The following FKBP4 variants were observed in gnomAD, a reference collection of about 807,000 sequenced individuals.
The protein encoded by FKBP4 is peptidyl-prolyl cis-trans isomerase FKBP4.
In FKBP4, 28 loss-of-function variants were observed where a neutral mutation model predicts 54.1. The ratio of observed to expected loss-of-function variants is 0.52; its 90% CI spans 0.38 to 0.71. The LOEUF (loss-of-function observed/expected upper bound fraction) is 0.71. FKBP4 is among the 30% of genes least tolerant of loss of function. FKBP4 has a pLI of 0.00. For missense variants in FKBP4, 493 were observed against 574.4 expected (o/e 0.86, Z 1.45); for synonymous variants, 223 against 216.1 (o/e 1.03, Z -0.28).
In FKBP4 at chr12:2,801,081, G is replaced by T; in HGVS notation, c.1033-36G>T. The T allele has an allele frequency of 1.9e-6, 3 of 1,610,708 alleles. No individual in the cohort carries two copies. The South Asian group carries it at 3.3e-5, about 18-fold the overall frequency. On this transcript the variant is annotated intron_variant, in intron 8 of 9. Transcript: ENST00000001008. ...AGGCCAGATGAGCTACAAGCCCTGA[G>T]CTCCCACAATGTGGCTTCCTCTCTG...
chr12:2,799,786 C>A, intron 5 of FKBP4, 64 bp from the exon 6 acceptor site: 1 of 1,389,270 alleles, frequency 7.2e-7, no homozygotes, highest in Non-Finnish European at 1.0e-6. Context: ...GGACAGGAAG[C>A]CTTTTCAGCC....
Position 2,795,320 on chromosome 12 carries a change from C to T in FKBP4, c.105+76C>T, listed in dbSNP as rs1338524339. ...CCGCCCTTCCGCCGCGCCCGGAGCC[C>T]GCGGCCGGGCACGGGTCGAGGCGGC... On this transcript the variant is annotated intron_variant, in intron 1 of 9. Coordinates refer to ENST00000001008, the MANE Select transcript of FKBP4 (RefSeq NM_002014.4). This position sits in a 1 kb window ranked among gnomAD's most constrained non-coding sequence, Gnocchi z 4.3. The T allele has an allele frequency of 1.2e-5, 9 of 771,386 alleles. No homozygotes were observed. The African/African-American group carries it at 1.5e-4, about 13-fold the overall frequency. 47.8% of individuals were successfully genotyped at this position (771,386 alleles called of 1,614,324 possible).
At position 2,800,473 on chromosome 12, in the gene FKBP4, GAAGCACAGA is replaced by G; in HGVS notation, c.937_945del (p.Lys313_Gln315del). On this transcript the variant is annotated inframe_deletion, in exon 8 of 10. Coordinates refer to ENST00000001008, the MANE Select transcript of FKBP4 (RefSeq NM_002014.4). ...ATATGAGTCTAGTTTTTCCAATGAGGAAGCACAGAAAGCACAGGCCCTTCGACTGGCCTC... is the reference window on the plus strand; with the variant it reads ...ATATGAGTCTAGTTTTTCCAATGAGGAAGCACAGGCCCTTCGACTGGCCTC... 3 of 1,614,156 alleles carry G rather than the reference GAAGCACAGA, an allele frequency of 1.9e-6. No individual in the cohort carries two copies. The highest frequency in any genetic ancestry group is 1.7e-6 in the Non-Finnish European group (2 of 1,180,022).
chr12:2,798,862 C>T lies in FKBP4; in HGVS notation c.514+36C>T. 1 of 1,606,754 alleles carries T rather than the reference C, an allele frequency of 6.2e-7. No individual in the cohort carries two copies. Among genetic ancestry groups the T allele is most frequent in the Non-Finnish European group, 8.5e-7 (1 of 1,173,714 alleles). On this transcript the variant is annotated intron_variant, in intron 4 of 9. Transcript: ENST00000001008. This position sits in a 1 kb window ranked among gnomAD's most constrained non-coding sequence, Gnocchi z 4.3. Reference sequence around the variant, plus strand: ...ACAGTCTGGGCTTTCAATTCTCATTCTGATATTTAGGCCTTGTGTGGCTTT... The same window carrying T: ...ACAGTCTGGGCTTTCAATTCTCATTTTGATATTTAGGCCTTGTGTGGCTTT...
intron 4 of FKBP4, 75 bp from the exon 5 acceptor site, chr12:2,799,013 A>C: frequency 6.8e-7 from 1 of 1,481,314 alleles, no homozygotes; most frequent in Non-Finnish European, 9.1e-7. Context: ...GGGGTGATGC[A>C]GGGAGGCTGA....
Position 2,795,156 on chromosome 12 carries a change from T to C in FKBP4, c.17T>C (p.Met6Thr). The C allele has an allele frequency of 7.6e-7, 1 of 1,310,716 alleles. No homozygotes were observed. Among genetic ancestry groups the C allele is most frequent in the Non-Finnish European group, 9.8e-7 (1 of 1,021,166 alleles). The allele number at this position is 1,310,716 out of a possible 1,614,324, so 81.2% of individuals were successfully genotyped here. A position where few individuals can be genotyped will look rare whatever the true frequency, so the allele number is the denominator to read the frequency against. Reference sequence around the variant, plus strand: ...CGCGCGGAGATGACAGCCGAGGAGATGAAGGCGACCGAGAGCGGGGCGCAG... The same window carrying C: ...CGCGCGGAGATGACAGCCGAGGAGACGAAGGCGACCGAGAGCGGGGCGCAG... MTAEE[M>T]KATESGAQSA... The change falls in exon 1 of 10, where the codon ATG (methionine) becomes ACG (threonine). Residue 6 changes from methionine to threonine, a missense_variant. By Grantham distance (81) the Met-to-Thr change is moderately conservative. Coordinates refer to ENST00000001008, the MANE Select transcript of FKBP4 (RefSeq NM_002014.4). The surrounding 1 kb of genome is among the most constrained non-coding windows in gnomAD (Gnocchi z 4.3).
At chr12:2,796,137 C>T (rs1305544978) in intron 1 of FKBP4, 4 of 1,236,378 alleles carry the variant, frequency 3.2e-6, no homozygotes, top group East Asian at 1.1e-4. Flanking sequence ...TCCCAGCCTG[C>T]GTCTTATGCC....
Position 2,799,130 on chromosome 12 carries a change from G to A in FKBP4, c.557G>A (p.Arg186Gln), listed in dbSNP as rs927155815. 14 of 1,576,286 alleles carry A rather than the reference G, an allele frequency of 8.9e-6. No homozygotes were observed. In the East Asian group the frequency reaches 1.8e-4, roughly 20 times the overall value. Residue 186 changes from arginine to glutamine, a missense_variant, in exon 5 of 10, where the codon CGG becomes CAG. Physicochemically the swap from Arg to Gln is conservative, Grantham distance 43. Coordinates refer to ENST00000001008, the MANE Select transcript of FKBP4 (RefSeq NM_002014.4). ...TACAAGGACAAGCTCTTTGACCAGC[G>A]GGAGCTCCGCTTTGAGATTGGCGAG... ...GYYKDKLFDQ[R>Q]ELRFEIGEGE...
rs1477815015 is a variant in FKBP4 at position 2,797,880 on chromosome 12, T to G, written c.393+9T>G. On this transcript the variant is annotated intron_variant, in intron 3 of 9. Coordinates refer to ENST00000001008, the MANE Select transcript of FKBP4 (RefSeq NM_002014.4). ...CCACGCTTGTATTTGAGGTGAGTGTTTGGTCACTGAGATCCAGGCTAAGAG... is the reference window on the plus strand; with the variant it reads ...CCACGCTTGTATTTGAGGTGAGTGTGTGGTCACTGAGATCCAGGCTAAGAG... 3 of 1,610,634 alleles carry G rather than the reference T, an allele frequency of 1.9e-6. No individual in the cohort carries two copies. Among genetic ancestry groups the G allele is most frequent in the East Asian group, 2.2e-5 (1 of 44,818 alleles).
intron 8 of FKBP4, 60 bp from the exon 9 acceptor site, chr12:2,801,057 G>C: frequency 6.2e-7 from 1 of 1,604,000 alleles, no homozygotes; most frequent in Non-Finnish European, 8.5e-7. Context: ...ACCCAGTCTA[G>C]GCCAGATGAG....
In FKBP4 at chr12:2,800,432, T is replaced by G; in HGVS notation, c.887T>G (p.Ile296Ser). The change falls in exon 8 of 10, where the codon ATC becomes AGC. Residue 296 changes from isoleucine (I) to serine (S), a missense_variant. Coordinates refer to ENST00000001008, the MANE Select transcript of FKBP4 (RefSeq NM_002014.4). ...CAAGCTTTACTACAGTATAAGAAGA[T>G]CGTGTCTTGGCTGGAATATGAGTCT... Reference protein sequence around the residue: ...YKQALLQYKKIVSWLEYESSF... With the variant: ...YKQALLQYKKSVSWLEYESSF... The G allele has an allele frequency of 6.2e-7, 1 of 1,613,924 alleles. No homozygotes were observed. The highest frequency in any genetic ancestry group is 2.2e-5 in the East Asian group (1 of 44,890).
At chr12:2,801,063 A>T in intron 8 of FKBP4, 54 bp from the exon 9 acceptor site, 2 of 1,605,980 alleles carry the variant, frequency 1.2e-6, no homozygotes, top group Non-Finnish European at 8.5e-7. Flanking sequence ...TCTAGGCCAG[A>T]TGAGCTACAA....
chr12:2,800,516 A>G lies in FKBP4; in HGVS notation c.971A>G (p.Asn324Ser). Residue 324 changes from asparagine (N) to serine (S), a missense_variant, in exon 8 of 10, where the codon AAC (asparagine) becomes AGC (serine). By Grantham distance (46) the Asn-to-Ser change is conservative. Coordinates refer to ENST00000001008, the MANE Select transcript of FKBP4 (RefSeq NM_002014.4). ...AQALRLASHL[N>S]LAMCHLKLQA... ...GCCCTTCGACTGGCCTCTCACCTCA[A>G]CCTGGCCATGTGTCATCTGAAACTA... 1 of 1,614,070 alleles carries G rather than the reference A, an allele frequency of 6.2e-7. No homozygotes were observed. Among genetic ancestry groups the G allele is most frequent in the African/African-American group, 1.3e-5 (1 of 75,044 alleles).
At chr12:2,799,457 T>G (rs2097903603) in intron 5 of FKBP4, among the ~76,000 whole-genome samples, 1 of 152,216 alleles carries the variant, frequency 6.6e-6, no homozygotes, top group African/African-American at 2.4e-5. Context: ...TTGCTACAGA[T>G]TCTCTCCTCT....
rs1247363764 is a variant in FKBP4, at chr12:2,801,120, C to T, written c.1036C>T (p.Leu346=). ...GCTTCCTCTCTGCATTCTTTAGGCC[C>T]TAGAACTGGACAGCAACAACGAGAA... is the stretch of plus-strand genomic sequence containing the variant. The part of the protein sequence containing the change: ...SAAIESCNKA[L]ELDSNNEKGL... The change falls in exon 9 of 10, where the codon CTA becomes TTA. Residue 346 remains leucine (L), a synonymous_variant. Transcript: ENST00000001008. 1.9e-6 allele frequency: 3 copies of T among 1,613,856 alleles called. No homozygotes were observed. Among genetic ancestry groups the T allele is most frequent in the African/African-American group, 2.7e-5 (2 of 74,918 alleles).
chr12:2,804,337 G>A lies in FKBP4; in HGVS notation c.*1079G>A, dbSNP rs910649419. 7 of 152,222 alleles carry A rather than the reference G, an allele frequency of 4.6e-5. No individual in the cohort carries two copies. Among genetic ancestry groups the A allele is most frequent in the Non-Finnish European group, 8.8e-5 (6 of 68,040 alleles). The allele number at this position is 152,222 out of a possible 1,614,324, so 9.4% of individuals were successfully genotyped here. On this transcript the variant is annotated 3_prime_UTR_variant, in exon 10 of 10. Coordinates refer to ENST00000001008, the MANE Select transcript of FKBP4 (RefSeq NM_002014.4). The stretch of plus-strand genomic sequence containing the variant: ...TCTGCCTACCTCTGATCTGGCAGAG[G>A]TATCTGCATTTTGGTTTGTTAACAA...
Position 2,797,158 on chromosome 12 carries a change from A to G in FKBP4, c.126A>G (p.Thr42=), listed in dbSNP as rs1369373309. 1.2e-6 allele frequency: 2 copies of G among 1,612,942 alleles called. No individual in the cohort carries two copies. The highest frequency in any genetic ancestry group is 1.1e-5 in the South Asian group (1 of 91,038). ...CCCAGGTCATCAAGAGAGAGGGCAC[A>G]GGTACAGAGATGCCCATGATTGGGG... The part of the protein sequence containing the change: ...GVLKVIKREG[T]GTEMPMIGDR... The change falls in exon 2 of 10, where the codon ACA becomes ACG. Residue 42 remains threonine, a synonymous_variant. Transcript: ENST00000001008.
chr12:2,803,301 G>A lies in FKBP4; in HGVS notation c.*43G>A, dbSNP rs764945892. The A allele has an allele frequency of 1.5e-6, 2 of 1,335,604 alleles. No homozygotes were observed. The highest frequency in any genetic ancestry group is 2.5e-5 in the South Asian group (2 of 80,118). The allele number at this position is 1,335,604 out of a possible 1,614,324, so 82.7% of individuals were successfully genotyped here. ...TACTCCTGCGGCTGCCTGCCCCCCA[G>A]TCTCCCCACTCCACCCTGTTAGTTT... is the stretch of plus-strand genomic sequence containing the variant. On this transcript the variant is annotated 3_prime_UTR_variant, in exon 10 of 10. Transcript: ENST00000001008.
chr12:2,797,903 G>C, intron 3 of FKBP4, 32 bp downstream of exon 3: 1 of 1,598,642 alleles, frequency 6.3e-7, no homozygotes, highest in South Asian at 1.1e-5. Flanking sequence ...TCCAGGCTAA[G>C]AGCCAGGCCT....
Sources: allele counts gnomAD v4.1 joint callset (sites outside exome capture counted in the v4.1 genomes callset), GRCh38; gene constraint gnomAD v4.1.1; non-coding constraint Gnocchi (gnomAD v3.1); transcripts MANE v1.5; gene names NCBI Gene and HGNC (gene_info 2026-07-23, HGNC 2026-07-21).